Variants in DLGAP1 observed in about 807,000 individuals in gnomAD.
DLGAP1 encodes the protein DLG associated protein 1, also known as disks large-associated protein 1.
DLGAP1 carries 11 observed loss-of-function variants against 90.8 expected under a neutral mutation model. The ratio of observed to expected loss-of-function variants is 0.12; its 90% CI spans 0.08 to 0.20. The LOEUF is 0.20. DLGAP1 is among the 10% of genes least tolerant of loss of function. The probability of loss-of-function intolerance (pLI) is 1.00; values close to 1 mark genes in which losing one functional copy is unlikely to be tolerated. For missense variants in DLGAP1, 1,050 were observed against 1,333.8 expected, an observed-to-expected ratio of 0.79 and a Z score of 3.31; for synonymous variants, 558 against 540.7, an observed-to-expected ratio of 1.03 and a Z score of -0.44.
intron 1 of DLGAP1, among the ~76,000 whole-genome samples, chr18:4,188,834 T>C (rs2077345669): frequency 6.6e-6 from 1 of 152,172 alleles, no homozygotes; most frequent in Admixed American, 6.6e-5. Context: ...CTATTTCATA[T>C]TCTCTTTGCA....
intron 2 of DLGAP1, among the ~76,000 whole-genome samples, chr18:4,138,937 T>C (rs1025393484): frequency 2.6e-5 from 4 of 152,224 alleles, no homozygotes; most frequent in African/African-American, 4.8e-5. Flanking sequence ...CAGTTGCTCA[T>C]AGTAGTCTCT....
chr18:3,904,488 C>T (rs61575078), intron 3 of DLGAP1, among the ~76,000 whole-genome samples: 6,853 of 152,242 alleles, frequency 0.045, 169 homozygotes, highest in African/African-American at 0.058. Flanking sequence ...AAATGTAACC[C>T]GTGGGTTTCA....
chr18:3,927,373 T>G (rs759933802), intron 3 of DLGAP1, among the ~76,000 whole-genome samples: 6 of 152,138 alleles, frequency 3.9e-5, no homozygotes, highest in Admixed American at 6.5e-5. Context: ...CAGTCCAGAG[T>G]CAAATGAGCA....
chr18:4,099,296 CATCTATCTATCTATCTATCT>C (rs35397168), intron 2 of DLGAP1, among the ~76,000 whole-genome samples: 54 of 144,058 alleles, frequency 3.7e-4, no homozygotes, highest in African/African-American at 8.9e-4. Flanking sequence ...ATCTGTCTAT[CATCTATCTATCTATCTATCT>C]ATCTATCTAT....
chr18:3,970,520 A>G (rs1017921220), intron 3 of DLGAP1, among the ~76,000 whole-genome samples: 7 of 152,212 alleles, frequency 4.6e-5, no homozygotes, highest in African/African-American at 1.7e-4. Context: ...AAATTACAGC[A>G]AATATATAAT....
intron 1 of DLGAP1, among the ~76,000 whole-genome samples, chr18:4,299,269 GT>G (rs904539906): frequency 2.0e-5 from 3 of 152,060 alleles, no homozygotes; most frequent in African/African-American, 7.2e-5. Flanking sequence ...TCTAGTAACA[GT>G]AGCTCCATTT....
chr18:4,420,758 C>T (rs771383822), intron 1 of DLGAP1, among the ~76,000 whole-genome samples: 34 of 152,332 alleles, frequency 2.2e-4, no homozygotes, highest in Admixed American at 9.1e-4. Context: ...CATACTATTG[C>T]TAAATTCAAC....
chr18:4,236,280 A>G (rs2078413089), intron 1 of DLGAP1, among the ~76,000 whole-genome samples: 1 of 152,192 alleles, frequency 6.6e-6, no homozygotes, highest in African/African-American at 2.4e-5. Context: ...GCAGTGTTGG[A>G]CATAATTGTA....
Position 3,641,586 on chromosome 18 carries a change from T to TACACACAC in DLGAP1, c.1592-59346_1592-59339dup, listed in dbSNP as rs61136246. Among the ~76,000 whole-genome samples, 457 of 135,470 alleles carry TACACACAC rather than the reference T, an allele frequency of 3.4e-3. 2 individuals are homozygous for TACACACAC. The highest frequency in any genetic ancestry group is 9.0e-3 in the African/African-American group (319 of 35,368). 88.9% of individuals were successfully genotyped at this position (135,470 alleles called of 152,430 possible). A position where few individuals can be genotyped will look rare whatever the true frequency, so the allele number is the denominator to read the frequency against. On this transcript the variant is annotated intron_variant, in intron 7 of 12. Transcript: ENST00000315677. ...ATAAGACAATGTACACATATATATA[T>TACACACAC]ACACACACACACACACACACACACA...
At chr18:3,650,567 C>T (rs1366141534) in intron 7 of DLGAP1, among the ~76,000 whole-genome samples, 3 of 152,196 alleles carry the variant, frequency 2.0e-5, no homozygotes, top group Admixed American at 6.5e-5. Context: ...CCAGCCTCCA[C>T]GTCATTTTTA....
In DLGAP1 at chr18:4,326,556, G is replaced by A. The variant is rs143919183; in HGVS notation, c.-267+128450C>T. On this transcript the variant is annotated intron_variant, in intron 1 of 12. Transcript: ENST00000315677. ...CACATGCACGCATATGTTCATTGCA[G>A]CAATATTCACAATAGCAAAGGCACG... Among the ~76,000 whole-genome samples, 11 of 152,200 alleles carry A rather than the reference G, an allele frequency of 7.2e-5. No homozygotes were observed. In the East Asian group the frequency reaches 7.7e-4, roughly 11 times the overall value.
intron 3 of DLGAP1, among the ~76,000 whole-genome samples, chr18:3,943,324 G>A (rs780852980): frequency 2.0e-5 from 3 of 152,090 alleles, no homozygotes; most frequent in Non-Finnish European, 4.4e-5. Flanking sequence ...TTCACAGATC[G>A]CCAGGCTTTG....
chr18:3,629,611 G>A (rs760945965), intron 7 of DLGAP1, among the ~76,000 whole-genome samples: 38 of 152,062 alleles, frequency 2.5e-4, no homozygotes, highest in Non-Finnish European at 4.3e-4. Flanking sequence ...GGCGGAGCTT[G>A]CAGTGAGCCG....
intron 4 of DLGAP1, among the ~76,000 whole-genome samples, chr18:3,832,731 C>T (rs1315483161): frequency 1.3e-5 from 2 of 150,704 alleles, no homozygotes; most frequent in Non-Finnish European, 2.9e-5. Flanking sequence ...TATGTGGCTT[C>T]CTAGTTTCTG....
intron 10 of DLGAP1, among the ~76,000 whole-genome samples, chr18:3,511,214 T>C (rs1206962773): frequency 6.6e-6 from 1 of 152,224 alleles, no homozygotes; most frequent in Non-Finnish European, 1.5e-5. Flanking sequence ...TTCCTTGTCC[T>C]CCACACTTTC....
intron 1 of DLGAP1, among the ~76,000 whole-genome samples, chr18:4,401,971 T>C (rs2082564672): frequency 6.6e-6 from 1 of 152,148 alleles, no homozygotes; most frequent in Non-Finnish European, 1.5e-5. Flanking sequence ...GGCCCAGCAA[T>C]CTATATTTTA....
intron 1 of DLGAP1, among the ~76,000 whole-genome samples, chr18:4,430,046 C>T (rs550823494): frequency 7.3e-4 from 111 of 152,034 alleles, no homozygotes; most frequent in African/African-American, 2.5e-3. Context: ...AATGGTAAAA[C>T]GACACAGAAA....
At chr18:4,146,679 A>C (rs76952926) in intron 2 of DLGAP1, among the ~76,000 whole-genome samples, 2,992 of 152,276 alleles carry the variant, frequency 0.02, 47 homozygotes, top group Middle Eastern at 0.048. Flanking sequence ...ACAACATAAA[A>C]TGAAAATTTT....
chr18:4,219,929 G>GC (rs2078040955), intron 1 of DLGAP1, among the ~76,000 whole-genome samples: 1 of 151,992 alleles, frequency 6.6e-6, no homozygotes, highest in African/African-American at 2.4e-5. Flanking sequence ...CTCCAGCTTT[G>GC]TTCTTTTTGC....
Sources: allele counts gnomAD v4.1 joint callset (sites outside exome capture counted in the v4.1 genomes callset), GRCh38; gene constraint gnomAD v4.1.1; transcripts MANE v1.5; gene names NCBI Gene and HGNC (gene_info 2026-07-23, HGNC 2026-07-21).